DPYD: variants seen among roughly 807,000 people sequenced by gnomAD.
The protein encoded by DPYD is dihydropyrimidine dehydrogenase [NADP(+)].
DPYD carries 109 observed loss-of-function variants against 116.2 expected under a neutral mutation model. The observed-to-expected ratio is 0.94, with a 90% confidence interval of 0.80 to 1.10. The LOEUF (loss-of-function observed/expected upper bound fraction) is 1.10, where lower values mean the gene tolerates loss of function less well. DPYD is among the 50% of genes least tolerant of loss of function. The pLI, the probability that DPYD is intolerant of heterozygous loss-of-function variation, is 0.00. For missense variants in DPYD, 1,302 were observed against 1,254.5 expected (o/e 1.04, Z -0.57); for synonymous variants, 440 against 432.0 (o/e 1.02, Z -0.23).
chr1:97,724,782 A>G (rs758675514), intron 4 of DPYD, among the ~76,000 whole-genome samples: 4 of 151,742 alleles, frequency 2.6e-5, no homozygotes, highest in Non-Finnish European at 5.9e-5. Context: ...GGTTCAATCA[A>G]TCGGACACAT....
intron 14 of DPYD, among the ~76,000 whole-genome samples, chr1:97,418,570 G>C (rs1331729535): frequency 1.3e-5 from 2 of 152,036 alleles, no homozygotes; most frequent in African/African-American, 2.4e-5. Context: ...AAACTGCTGG[G>C]ATTAAAGGCG....
At chr1:97,686,636 C>CAAAAAAA (rs1159274157) in intron 7 of DPYD, among the ~76,000 whole-genome samples, 5 of 10,054 alleles carry the variant, frequency 5.0e-4, no homozygotes, top group African/African-American at 1.7e-3. Flanking sequence ...GACTCTGTCT[C>CAAAAAAA]AAAAAAAAAA....
At chr1:97,391,790 G>T (rs1194880526) in intron 14 of DPYD, among the ~76,000 whole-genome samples, 1 of 151,892 alleles carries the variant, frequency 6.6e-6, no homozygotes, top group Non-Finnish European at 1.5e-5. Flanking sequence ...CCAATTTCAG[G>T]ATAAAATAAT....
At chr1:97,622,318 C>T (rs1310856358) in intron 8 of DPYD, among the ~76,000 whole-genome samples, 1 of 151,900 alleles carries the variant, frequency 6.6e-6, no homozygotes, top group Non-Finnish European at 1.5e-5. Flanking sequence ...TGGTCTTCTG[C>T]CCAAAAACCC....
rs567780500 is a variant in DPYD, at chr1:97,265,084, T to A, written c.2300-30090A>T. ...TATTAGATACTGGGAATCCTCGTTA[T>A]AAATTACATCATACCACTTTCACCT... is the stretch of plus-strand genomic sequence containing the variant. On this transcript the variant is annotated intron_variant, in intron 18 of 22. Transcript: ENST00000370192. Among the ~76,000 whole-genome samples, 139 of 152,184 alleles carry A rather than the reference T, an allele frequency of 9.1e-4. 1 individual carries two copies. Among genetic ancestry groups the A allele is most frequent in the Admixed American group, 2.0e-4 (3 of 15,270 alleles).
chr1:97,914,727 C>G (rs1268284659), intron 1 of DPYD, among the ~76,000 whole-genome samples: 1 of 152,120 alleles, frequency 6.6e-6, no homozygotes, highest in Admixed American at 6.6e-5. Context: ...GTACTAAAAA[C>G]ATATTTTTAG....
intron 12 of DPYD, among the ~76,000 whole-genome samples, chr1:97,522,194 T>G (rs923206472): frequency 6.6e-6 from 1 of 152,032 alleles, no homozygotes; most frequent in Non-Finnish European, 1.5e-5. Flanking sequence ...TACAAAGAAC[T>G]TAAACAAACT....
At chr1:97,136,776 A>T (rs764136727) in intron 20 of DPYD, among the ~76,000 whole-genome samples, 1 of 152,198 alleles carries the variant, frequency 6.6e-6, no homozygotes, top group Non-Finnish European at 1.5e-5. Context: ...CCTTTAAAGA[A>T]GGCAAGAACG....
chr1:97,228,072 T>C (rs1257692235), intron 19 of DPYD, among the ~76,000 whole-genome samples: 3 of 151,698 alleles, frequency 2.0e-5, no homozygotes, highest in Non-Finnish European at 4.4e-5. Context: ...TACACTTACA[T>C]TTAACATTTA....
chr1:97,347,538 A>C (rs1231828203), intron 16 of DPYD, among the ~76,000 whole-genome samples: 1 of 152,006 alleles, frequency 6.6e-6, no homozygotes, highest in African/African-American at 2.4e-5. Context: ...TCTGCATGTT[A>C]ACATTTTGTT....
chr1:97,111,785 G>A (rs1651618866), intron 20 of DPYD, among the ~76,000 whole-genome samples: 1 of 152,008 alleles, frequency 6.6e-6, no homozygotes, highest in Admixed American at 6.6e-5. Flanking sequence ...TTGAATGAAT[G>A]AAGGTACTGG....
chr1:97,288,562 T>G, intron 18 of DPYD, among the ~76,000 whole-genome samples: 1 of 151,666 alleles, frequency 6.6e-6, no homozygotes, highest in Non-Finnish European at 1.5e-5. Context: ...ACACGGAAAC[T>G]GAACAATCTG....
At chr1:97,593,585 A>C (rs191185837) in intron 9 of DPYD, among the ~76,000 whole-genome samples, 198 bp from the exon 10 acceptor site, 36 of 152,324 alleles carry the variant, frequency 2.4e-4, no homozygotes, top group Non-Finnish European at 4.4e-4. Flanking sequence ...ATGTAATTTC[A>C]TAGTCAGTAT....
intron 14 of DPYD, among the ~76,000 whole-genome samples, chr1:97,407,596 T>C (rs57676409): frequency 0.25 from 37,501 of 151,968 alleles, 4,761 homozygotes; most frequent in South Asian, 0.4. Flanking sequence ...GTCACAATTA[T>C]AATGCCAACT....
chr1:97,382,941 A>G (rs1672061203), intron 14 of DPYD, among the ~76,000 whole-genome samples: 1 of 152,316 alleles, frequency 6.6e-6, no homozygotes, highest in Admixed American at 6.5e-5. Context: ...ACACATAATA[A>G]TATCTTAAAT....
At position 97,523,315 on chromosome 1, in the gene DPYD, T is replaced by C. The variant is rs889237533; in HGVS notation, c.1525-7374A>G. On this transcript the variant is annotated intron_variant, in intron 12 of 22. Coordinates refer to ENST00000370192, the MANE Select transcript of DPYD (RefSeq NM_000110.4). ...GAAAATAACAAGGATGTTTAAAGAC[T>C]ATTTTTTTAAAGTTTGCTTTCTTCA... Among the ~76,000 whole-genome samples the C allele has an allele frequency of 5.3e-5, 8 of 152,202 alleles. No individual in the cohort carries two copies. The South Asian group carries it at 6.2e-4, about 12-fold the overall frequency.
At chr1:97,090,240 C>G (rs1649809036) in intron 21 of DPYD, among the ~76,000 whole-genome samples, 1 of 152,076 alleles carries the variant, frequency 6.6e-6, no homozygotes, top group Admixed American at 6.6e-5. Context: ...TGAAATGCCA[C>G]CTTCCTTTTC....
chr1:97,533,538 T>G (rs1649790143), intron 12 of DPYD, among the ~76,000 whole-genome samples: 1 of 152,092 alleles, frequency 6.6e-6, no homozygotes, highest in Non-Finnish European at 1.5e-5. Flanking sequence ...AAAAACATGG[T>G]GACCAGCTCA....
Position 97,192,771 on chromosome 1 carries a change from C to A in DPYD, c.2622+298G>T, listed in dbSNP as rs72967809. The stretch of plus-strand genomic sequence containing the variant: ...AAAGCATAAAGAAATCTCCAGACTC[C>A]CACTGGGAAGAATGCCAGTCATCAC... On this transcript the variant is annotated intron_variant, in intron 20 of 22. Coordinates refer to ENST00000370192, the MANE Select transcript of DPYD (RefSeq NM_000110.4). Among the ~76,000 whole-genome samples, 1,175 of 152,240 alleles carry A rather than the reference C, an allele frequency of 7.7e-3. 11 individuals carry two copies. The highest frequency in any genetic ancestry group is 0.026 in the African/African-American group (1,084 of 41,534).
Sources: allele counts gnomAD v4.1 joint callset (sites outside exome capture counted in the v4.1 genomes callset), GRCh38; gene constraint gnomAD v4.1.1; transcripts MANE v1.5; gene names NCBI Gene and HGNC (gene_info 2026-07-23, HGNC 2026-07-21).